The following VEGFD variants were observed in gnomAD, a reference collection of about 807,000 sequenced individuals.
The protein encoded by VEGFD is vascular endothelial growth factor D.
In VEGFD, 26 loss-of-function variants were observed where a neutral mutation model predicts 28.0. That is an observed-to-expected ratio of 0.93 (90% CI 0.68 to 1.29). The LOEUF (loss-of-function observed/expected upper bound fraction) is 1.29, where lower values mean the gene tolerates loss of function less well. Ranked by LOEUF, VEGFD falls within the 50% of genes most tolerant of loss-of-function variation. The pLI, the probability that VEGFD is intolerant of heterozygous loss-of-function variation, is 0.00. For missense variants in VEGFD, 294 were observed against 273.4 expected (o/e 1.08, Z -0.53); for synonymous variants, 93 against 95.5 (o/e 0.97, Z 0.15).
At chrX:15,354,599 A>T (rs1372887170) in intron 4 of VEGFD, among the ~76,000 whole-genome samples, 1 of 111,667 alleles carries the variant, frequency 9.0e-6, no homozygotes, top group Non-Finnish European at 1.9e-5. Context: ...CTTATAAATA[A>T]TCACAAAATT....
intron 5 of VEGFD, among the ~76,000 whole-genome samples, chrX:15,351,739 G>A (rs1035606326): frequency 1.1e-4 from 12 of 112,328 alleles, no homozygotes; most frequent in African/African-American, 3.2e-4. Flanking sequence ...GGATTTCAAA[G>A]ACTTAGCACA....
At chrX:15,371,636 A>G (rs1047207614) in intron 1 of VEGFD, among the ~76,000 whole-genome samples, 2 of 112,111 alleles carry the variant, frequency 1.8e-5, no homozygotes, top group African/African-American at 3.2e-5. Flanking sequence ...AAAATTGGAA[A>G]GGACAGAAAG....
intron 1 of VEGFD, among the ~76,000 whole-genome samples, chrX:15,374,890 A>G (rs1293770638): frequency 9.1e-6 from 1 of 110,415 alleles, no homozygotes. Context: ...GTCACCTCAT[A>G]AAGCTCATGA....
At chrX:15,356,160 T>A (rs1408827555) in intron 3 of VEGFD, among the ~76,000 whole-genome samples, 2 of 112,048 alleles carry the variant, frequency 1.8e-5, no homozygotes, top group African/African-American at 6.5e-5. Context: ...TGGGGTGGGT[T>A]TTTATTATCC....
intron 4 of VEGFD, 109 bp from the exon 5 acceptor site, chrX:15,353,277 A>AT: frequency 2.9e-6 from 1 of 343,994 alleles, no homozygotes; most frequent in Non-Finnish European, 4.9e-6. Context: ...TTTTAAATTT[A>AT]TTTTTTGCTT....
intron 5 of VEGFD, among the ~76,000 whole-genome samples, chrX:15,350,916 C>A (rs1011203966): frequency 9.7e-6 from 1 of 102,655 alleles, no homozygotes; most frequent in African/African-American, 3.6e-5. Context: ...GGCCCGAGTG[C>A]GGTGGCATGA....
chrX:15,349,297 A>G (rs138401394), intron 5 of VEGFD, among the ~76,000 whole-genome samples: 1 of 112,922 alleles, frequency 8.9e-6, no homozygotes, highest in African/African-American at 3.2e-5. Flanking sequence ...TCAGGGAAAC[A>G]CAATCCACAA....
intron 5 of VEGFD, among the ~76,000 whole-genome samples, chrX:15,349,257 A>G (rs867083371): frequency 1.5e-4 from 17 of 112,786 alleles, no homozygotes; most frequent in South Asian, 3.6e-4. Flanking sequence ...TACTTCAGAC[A>G]GGCCCAAGGC....
chrX:15,354,862 C>T (rs1238060310), intron 4 of VEGFD, among the ~76,000 whole-genome samples: 2 of 111,292 alleles, frequency 1.8e-5, no homozygotes, highest in Non-Finnish European at 3.8e-5. Context: ...GAGGTTACAG[C>T]GGTTTTACAC....
chrX:15,359,464 T>C (rs1470446963), intron 2 of VEGFD, among the ~76,000 whole-genome samples: 1 of 104,436 alleles, frequency 9.6e-6, no homozygotes, highest in Non-Finnish European at 2.0e-5. Context: ...GCCACGGTGG[T>C]TTGCTGCACC....
At chrX:15,368,941 T>C (rs6632474) in intron 1 of VEGFD, among the ~76,000 whole-genome samples, 18,740 of 111,444 alleles carry the variant, frequency 0.17, 1,411 homozygotes, top group East Asian at 0.39. Context: ...AGCCAGCTTC[T>C]AAATTGGGAG....
At position 15,346,202 on chromosome X, in the gene VEGFD, A is replaced by G; in HGVS notation, c.996T>C (p.Cys332=). The G allele has an allele frequency of 8.3e-7, 1 of 1,211,186 alleles. No individual in the cohort carries two copies. The highest frequency in any genetic ancestry group is 1.1e-6 in the Non-Finnish European group (1 of 894,842). Residue 332 remains cysteine (C), a synonymous_variant, in exon 7 of 7, where the codon TGT becomes TGC. Coordinates refer to ENST00000297904, the MANE Select transcript of VEGFD (RefSeq NM_004469.5). ...CCTTTGGAAAGCGGCAATGCTTTGC[A>G]CATGCTGTTTTGCCACTTGCACATG... is the stretch of plus-strand genomic sequence containing the variant. ...TRPCASGKTA[C]AKHCRFPKEK... is the part of the protein sequence containing the mutation.
chrX:15,381,561 C>T (rs1406895892), intron 1 of VEGFD, among the ~76,000 whole-genome samples: 1 of 110,335 alleles, frequency 9.1e-6, no homozygotes, highest in Non-Finnish European at 1.9e-5. Flanking sequence ...TCAAATACCA[C>T]CACCCTAAAC....
chrX:15,358,164 A>G lies in VEGFD; in HGVS notation c.331T>C (p.Cys111Arg). The change falls in exon 3 of 7, where the codon TGC becomes CGC. Residue 111 changes from cysteine to arginine, a missense_variant. Physicochemically the swap from Cys to Arg is radical, Grantham distance 180. Transcript: ENST00000297904. ...TCCACGCACGTTTCTCTAGGGCTGCACTGAGTTCTTTGCCATTCTTCATCT... is the reference window on the plus strand; with the variant it reads ...TCCACGCACGTTTCTCTAGGGCTGCGCTGAGTTCTTTGCCATTCTTCATCT... ...VIDEEWQRTQ[C>R]SPRETCVEVA... is the part of the protein sequence containing the mutation. The G allele has an allele frequency of 8.3e-7, 1 of 1,208,699 alleles. No individual in the cohort carries two copies.
At chrX:15,370,467 A>G (rs1432663378) in intron 1 of VEGFD, among the ~76,000 whole-genome samples, 3 of 112,033 alleles carry the variant, frequency 2.7e-5, no homozygotes, top group Non-Finnish European at 5.6e-5. Context: ...TGAAGTCCCT[A>G]ACTTAGACTA....
At chrX:15,368,139 GAA>G (rs2147746392) in intron 1 of VEGFD, among the ~76,000 whole-genome samples, 1 of 107,988 alleles carries the variant, frequency 9.3e-6, no homozygotes, top group African/African-American at 3.4e-5. Context: ...GAGAAAGAAA[GAA>G]AGGAGAGAAA....
chrX:15,359,724 C>A (rs747617456), intron 2 of VEGFD, among the ~76,000 whole-genome samples: 1 of 111,484 alleles, frequency 9.0e-6, no homozygotes, highest in African/African-American at 3.3e-5. Flanking sequence ...AGCCTCTGGC[C>A]AATAGCCAGC....
intron 3 of VEGFD, among the ~76,000 whole-genome samples, chrX:15,356,082 C>T (rs897015610): frequency 1.8e-5 from 2 of 112,331 alleles, no homozygotes; most frequent in African/African-American, 3.2e-5. Context: ...TCTTTCTACG[C>T]TTTCCGTAGG....
At position 15,347,208 on chromosome X, in the gene VEGFD, C is replaced by A; in HGVS notation, c.894G>T (p.Glu298Asp). 8.3e-7 allele frequency: 1 copy of A among 1,211,140 alleles called. No individual in the cohort carries two copies. The highest frequency in any genetic ancestry group is 1.1e-6 in the Non-Finnish European group (1 of 895,189). The change falls in exon 6 of 7, where the codon GAG (glutamate) becomes GAT (aspartate). Residue 298 changes from glutamate to aspartate, a missense_variant. Glu to Asp is a conservative substitution (Grantham distance 45). Transcript: ENST00000297904. ...CSCFECKESL[E>D]TCCQKHKLFH... ...ATAGCTTGTGCTTCTGGCAGCAGGT[C>A]TCCAGACTTTCTTTGCACTCAAAGC...
Sources: allele counts gnomAD v4.1 joint callset (sites outside exome capture counted in the v4.1 genomes callset), GRCh38; gene constraint gnomAD v4.1.1; transcripts MANE v1.5; gene names NCBI Gene and HGNC (gene_info 2026-07-23, HGNC 2026-07-21).